The following ARHGEF18 variants were observed in gnomAD, a reference collection of about 807,000 sequenced individuals.
The protein encoded by ARHGEF18 is rho guanine nucleotide exchange factor 18.
A neutral mutation model predicts 155.7 loss-of-function variants in ARHGEF18; 93 were observed. That is an observed-to-expected ratio of 0.60 (90% CI 0.50 to 0.71). The LOEUF is 0.71. Among genes scored for constraint, ARHGEF18 ranks in the 30% least tolerant of loss-of-function variants. The pLI is 0.00. For missense variants in ARHGEF18, 1,593 were observed against 1,816.1 expected, an observed-to-expected ratio of 0.88 and a Z score of 2.23; for synonymous variants, 742 against 753.1, an observed-to-expected ratio of 0.99 and a Z score of 0.24.
chr19:7,463,903 C>T lies in ARHGEF18; in HGVS notation c.2721C>T (p.Pro907=), dbSNP rs1568363443. The change falls in exon 22 of 29, where the codon CCC becomes CCT. Residue 907 remains proline (P), a synonymous_variant. Transcript: ENST00000668164. The surrounding 1 kb of genome is among the most constrained non-coding windows in gnomAD (Gnocchi z 5.2). Reference sequence around the variant, plus strand: ...ACGGAGGCAGCTCCACAGGCCCGCCCAGGAGGGCTGAGACCTTCGCGGGCT... The same window carrying T: ...ACGGAGGCAGCTCCACAGGCCCGCCTAGGAGGGCTGAGACCTTCGCGGGCT... ...AEDGGSSTGP[P]RRAETFAGYD... 1 of 1,599,664 alleles carries T rather than the reference C, an allele frequency of 6.3e-7. No homozygotes were observed. The highest frequency in any genetic ancestry group is 1.3e-5 in the African/African-American group (1 of 74,836).
At chr19:7,439,453 A>C (rs999025751) in intron 10 of ARHGEF18, among the ~76,000 whole-genome samples, 1 of 152,018 alleles carries the variant, frequency 6.6e-6, no homozygotes. Context: ...TGTCTCTAAA[A>C]ATAATAATAA....
At chr19:7,464,860 T>C (rs1001563018) in intron 23 of ARHGEF18, among the ~76,000 whole-genome samples, 170 bp downstream of exon 23, 7 of 152,160 alleles carry the variant, frequency 4.6e-5, no homozygotes, top group African/African-American at 1.7e-4. Context: ...TGGCAGGTGA[T>C]TTCTTCCTGC....
At chr19:7,433,638 G>A (rs966493331) in intron 10 of ARHGEF18, among the ~76,000 whole-genome samples, 1 of 151,934 alleles carries the variant, frequency 6.6e-6, no homozygotes, top group Admixed American at 6.6e-5. Context: ...AATAAGGAGT[G>A]TGCTTGGCTG....
intron 3 of ARHGEF18, among the ~76,000 whole-genome samples, chr19:7,374,851 C>T (rs1432899185): frequency 6.6e-6 from 1 of 152,130 alleles, no homozygotes; most frequent in East Asian, 1.9e-4. Flanking sequence ...AGCCACCATG[C>T]AGTTATGATC....
intron 10 of ARHGEF18, among the ~76,000 whole-genome samples, chr19:7,389,695 G>C (rs944272170): frequency 2.0e-5 from 3 of 151,512 alleles, no homozygotes; most frequent in Admixed American, 2.0e-4. Context: ...CACCATGCCT[G>C]GCTAATTTTT....
intron 10 of ARHGEF18, among the ~76,000 whole-genome samples, chr19:7,436,724 C>T (rs1379388649): frequency 6.6e-6 from 1 of 152,136 alleles, no homozygotes; most frequent in Non-Finnish European, 1.5e-5. Flanking sequence ...TCGGGATTTG[C>T]GCCATATTTG....
At chr19:7,367,875 T>TATACAC (rs1969990202) in intron 2 of ARHGEF18, among the ~76,000 whole-genome samples, 1 of 40,066 alleles carries the variant, frequency 2.5e-5, no homozygotes, top group Non-Finnish European at 3.8e-5. Context: ...TATTTTTATA[T>TATACAC]ATATATATTT....
intron 10 of ARHGEF18, among the ~76,000 whole-genome samples, chr19:7,429,537 A>C (rs947213643): frequency 6.6e-6 from 1 of 152,152 alleles, no homozygotes; most frequent in Non-Finnish European, 1.5e-5. Flanking sequence ...CGGGAGGCGG[A>C]GGTTGCAGTG....
chr19:7,418,455 A>G (rs939735979), intron 10 of ARHGEF18, among the ~76,000 whole-genome samples: 10 of 151,958 alleles, frequency 6.6e-5, no homozygotes, highest in Non-Finnish European at 8.8e-5. Flanking sequence ...GGGTTTTGCA[A>G]TGTTACCCAG....
chr19:7,478,439 G>A, the ARHGEF18 span: 127 of 1,515,450 alleles, frequency 8.4e-5, 2 homozygotes, highest in South Asian at 1.1e-3. Context: ...GCTCCACAAC[G>A]CTGGCCCCGG....
intron 15 of ARHGEF18, 66 bp downstream of exon 15, chr19:7,447,234 T>C: frequency 6.8e-7 from 1 of 1,467,092 alleles, no homozygotes; most frequent in Non-Finnish European, 9.2e-7. Context: ...CTCACGCCTG[T>C]AATCCCAGCA....
intron 10 of ARHGEF18, among the ~76,000 whole-genome samples, chr19:7,420,913 C>G (rs1973316291): frequency 2.0e-5 from 3 of 152,150 alleles, no homozygotes; most frequent in Non-Finnish European, 4.4e-5. Flanking sequence ...GCGGACAGCT[C>G]TGTTCAAAAC....
intron 10 of ARHGEF18, among the ~76,000 whole-genome samples, chr19:7,436,768 A>T (rs11667035): frequency 4.7e-4 from 71 of 151,730 alleles, no homozygotes; most frequent in Non-Finnish European, 8.7e-4. Context: ...GGTGGAGTTG[A>T]GTGTTGTACA....
chr19:7,474,093 C>CT (rs1458967483), downstream of ARHGEF18, among the ~76,000 whole-genome samples: 1 of 151,714 alleles, frequency 6.6e-6, no homozygotes, highest in Non-Finnish European at 1.5e-5. Flanking sequence ...AATCCCAGCA[C>CT]TTTGGGAGGC....
chr19:7,417,402 TA>T (rs1449013304), intron 10 of ARHGEF18, among the ~76,000 whole-genome samples: 4 of 151,880 alleles, frequency 2.6e-5, no homozygotes, highest in African/African-American at 9.7e-5. Flanking sequence ...ATTATACATT[TA>T]AAAATAAAAG....
intron 3 of ARHGEF18, among the ~76,000 whole-genome samples, chr19:7,374,216 C>T (rs1190842821): frequency 2.0e-5 from 3 of 152,136 alleles, no homozygotes; most frequent in African/African-American, 7.2e-5. Context: ...TAAAAGGTCA[C>T]AGACTAGTAC....
intron 1 of ARHGEF18, among the ~76,000 whole-genome samples, chr19:7,361,995 G>GAAGAAGA (rs1244502087): frequency 2.5e-4 from 8 of 32,102 alleles, no homozygotes; most frequent in African/African-American, 1.8e-3. Flanking sequence ...CTCTGTGGAA[G>GAAGAAGA]AAGAAGAAGA....
chr19:7,383,273 T>C, intron 10 of ARHGEF18, 70 bp downstream of exon 10: 3 of 1,228,768 alleles, frequency 2.4e-6, no homozygotes, highest in Middle Eastern at 6.2e-4. Context: ...CTTTCAATCA[T>C]ACTCCTGGGG....
Position 7,442,146 on chromosome 19 carries a change from C to CTTCT in ARHGEF18, c.1360+97_1360+98insTTTC, listed in dbSNP as rs1305844875. 2.0e-5 allele frequency: 9 copies of CTTCT among 456,152 alleles called. 1 individual carries two copies. Among genetic ancestry groups the CTTCT allele is most frequent in the Non-Finnish European group, 2.4e-5 (8 of 339,606 alleles). 28.3% of individuals were successfully genotyped at this position (456,152 alleles called of 1,614,324 possible). A position where few individuals can be genotyped will look rare whatever the true frequency, so the allele number is the denominator to read the frequency against. On this transcript the variant is annotated intron_variant, in intron 13 of 28. Transcript: ENST00000668164. Reference sequence around the variant, plus strand: ...CCTCCCTTCCTTCCTTCCTTCCTTCCTTCCTTCCTTCCTTCCTTCCTTCCT... The same window carrying CTTCT: ...CCTCCCTTCCTTCCTTCCTTCCTTCCTTCTTTCCTTCCTTCCTTCCTTCCTTCCT...
Sources: allele counts gnomAD v4.1 joint callset (sites outside exome capture counted in the v4.1 genomes callset), GRCh38; gene constraint gnomAD v4.1.1; non-coding constraint Gnocchi (gnomAD v3.1); transcripts MANE v1.5; gene names NCBI Gene and HGNC (gene_info 2026-07-23, HGNC 2026-07-21).